Variants in ZNF362 observed in about 807,000 individuals in gnomAD.
ZNF362 encodes the protein zinc finger protein 362, also known as rotund homolog.
Under a neutral mutation model 42.9 loss-of-function variants are expected in ZNF362, and 11 were observed. The observed-to-expected ratio is 0.26, with a 90% CI of 0.16 to 0.42. The LOEUF is 0.42. Ranked by LOEUF, ZNF362 falls within the 20% of genes least tolerant of loss-of-function variation. The probability of loss-of-function intolerance (pLI) is 1.00; values close to 1 mark genes in which losing one functional copy is unlikely to be tolerated. For missense variants in ZNF362, 362 were observed against 576.2 expected (o/e 0.63, Z 3.81); for synonymous variants, 255 against 257.3 (o/e 0.99, Z 0.09).
upstream of ZNF362, among the ~76,000 whole-genome samples, chr1:33,253,411 G>A (rs1185120885): frequency 2.0e-5 from 3 of 151,390 alleles, no homozygotes; most frequent in Admixed American, 6.6e-5. Context: ...TAAATTGAAG[G>A]TGGTCAGAAA....
At chr1:33,292,419 C>T (rs2148133569) in intron 6 of ZNF362, among the ~76,000 whole-genome samples, 1 of 152,284 alleles carries the variant, frequency 6.6e-6, no homozygotes, top group East Asian at 1.9e-4. Context: ...GGATGAAGCC[C>T]ACTTGATCAT....
chr1:33,243,636 G>A, the ZNF362 span, among the ~76,000 whole-genome samples: 5 of 149,174 alleles, frequency 3.4e-5, no homozygotes, highest in Non-Finnish European at 7.4e-5. Context: ...TCGCTCTGTC[G>A]CCCAGGCTGG....
At chr1:33,246,768 C>T in the ZNF362 span, among the ~76,000 whole-genome samples, 1 of 152,362 alleles carries the variant, frequency 6.6e-6, no homozygotes, top group African/African-American at 2.4e-5. Flanking sequence ...CCTACTAACT[C>T]TGTGACTGGC....
chr1:33,178,720 A>G, the ZNF362 span, among the ~76,000 whole-genome samples: 2 of 152,256 alleles, frequency 1.3e-5, no homozygotes, highest in African/African-American at 4.8e-5. Context: ...TGCCCACAGC[A>G]GGTTTGGAAC....
chr1:33,193,998 T>G, the ZNF362 span, among the ~76,000 whole-genome samples: 1 of 152,104 alleles, frequency 6.6e-6, no homozygotes, highest in Admixed American at 6.5e-5. Flanking sequence ...GAAATTTTAA[T>G]GTAAGTATGT....
rs769253902 is a variant in ZNF362, at chr1:33,298,892, T to TG, written c.1147-36dup. ...CTGCAGCCTCTTCTCCCTCCCTTGC[T>TG]GGTGGTTCCCTGTTCTGAATCTCAT... On this transcript the variant is annotated intron_variant, in intron 8 of 8. Coordinates refer to ENST00000539719, the MANE Select transcript of ZNF362 (RefSeq NM_152493.3). The TG allele has an allele frequency of 5.7e-6, 9 of 1,571,074 alleles. No homozygotes were observed. The East Asian group carries it at 2.0e-4, about 35-fold the overall frequency.
chr1:33,278,928 A>G lies in ZNF362; in HGVS notation c.350-1196A>G, dbSNP rs572363050. On this transcript the variant is annotated intron_variant, in intron 4 of 8. Coordinates refer to ENST00000539719, the MANE Select transcript of ZNF362 (RefSeq NM_152493.3). ...TGATCACAATTTTGTATGGATATGT[A>G]CACACATCTTTGTGCTCATGTGGGA... Among the ~76,000 whole-genome samples, 3 of 152,340 alleles carry G rather than the reference A, an allele frequency of 2.0e-5. No individual in the cohort carries two copies. The South Asian group carries it at 6.2e-4, about 32-fold the overall frequency.
chr1:33,147,587 C>T, the ZNF362 span: 1 of 1,614,146 alleles, frequency 6.2e-7, no homozygotes, highest in Non-Finnish European at 8.5e-7. This position sits in a 1 kb window ranked among gnomAD's most constrained non-coding sequence, Gnocchi z 8.1. Flanking sequence ...GAACCCAGCA[C>T]CGACACCTCC....
chr1:33,211,524 G>A, the ZNF362 span, among the ~76,000 whole-genome samples: 4 of 152,082 alleles, frequency 2.6e-5, no homozygotes, highest in African/African-American at 9.7e-5. Context: ...ATGAAATTCT[G>A]GGTTGAAAAT....
the ZNF362 span, among the ~76,000 whole-genome samples, chr1:33,216,798 G>A: frequency 1.1e-4 from 16 of 151,986 alleles, no homozygotes; most frequent in South Asian, 3.3e-3. Context: ...AGACTTGGTA[G>A]AGTCAGCACA....
chr1:33,160,874 G>T, the ZNF362 span, among the ~76,000 whole-genome samples: 1 of 152,208 alleles, frequency 6.6e-6, no homozygotes, highest in Non-Finnish European at 1.5e-5. Context: ...AAGGAGCAAG[G>T]ACTGGTGTTT....
chr1:33,239,544 G>C, the ZNF362 span, among the ~76,000 whole-genome samples: 1 of 152,152 alleles, frequency 6.6e-6, no homozygotes, highest in Non-Finnish European at 1.5e-5. Context: ...GGCTGGGGAG[G>C]CTTCAGGAAA....
chr1:33,147,804 C>T, the ZNF362 span: 1 of 1,523,964 alleles, frequency 6.6e-7, no homozygotes, highest in South Asian at 1.3e-5. The surrounding 1 kb of genome is among the most constrained non-coding windows in gnomAD (Gnocchi z 8.1). Context: ...TTCCTGAGGG[C>T]AGAGTTCTGG....
At chr1:33,207,399 C>T in the ZNF362 span, among the ~76,000 whole-genome samples, 12 of 152,152 alleles carry the variant, frequency 7.9e-5, no homozygotes, top group East Asian at 3.9e-4. Flanking sequence ...TGAATAATGC[C>T]GCAATAAACA....
chr1:33,174,945 GTATA>G, the ZNF362 span, among the ~76,000 whole-genome samples: 2,043 of 141,670 alleles, frequency 0.014, 33 homozygotes, highest in South Asian at 0.075. Flanking sequence ...ATATATGTGT[GTATA>G]TATATATATA....
the ZNF362 span, among the ~76,000 whole-genome samples, chr1:33,230,453 G>A: frequency 6.6e-6 from 1 of 152,150 alleles, no homozygotes; most frequent in South Asian, 2.1e-4. Flanking sequence ...AGCAAAACCA[G>A]TCATGGCTCT....
At chr1:33,188,405 C>T in the ZNF362 span, among the ~76,000 whole-genome samples, 2 of 152,182 alleles carry the variant, frequency 1.3e-5, no homozygotes, top group African/African-American at 4.8e-5. Context: ...TCACTTTCTC[C>T]ATGGCCATGT....
At position 33,299,027 on chromosome 1, in the gene ZNF362, T is replaced by A. The variant is rs757768600; in HGVS notation, c.1244T>A (p.Val415Glu). The A allele has an allele frequency of 6.2e-7, 1 of 1,610,292 alleles. No individual in the cohort carries two copies. Among genetic ancestry groups the A allele is most frequent in the Non-Finnish European group, 8.5e-7 (1 of 1,179,942 alleles). ...PQRTESPGIP[V>E]RISLI Reference sequence around the variant, plus strand: ...AGGACGGAGTCCCCCGGCATCCCGGTGCGAATCTCTCTCATCTGAGCCCAC... The same window carrying A: ...AGGACGGAGTCCCCCGGCATCCCGGAGCGAATCTCTCTCATCTGAGCCCAC... Residue 415 changes from valine (V) to glutamate (E), a missense_variant, in exon 9 of 9, where the codon GTG becomes GAG. By Grantham distance (121) the Val-to-Glu change is moderately radical (BLOSUM62 -2). This residue lies in a region of ZNF362 where 68 missense variants were observed against 107.4 expected (regional missense o/e 0.63). Transcript: ENST00000539719.
chr1:33,134,620 A>G, the ZNF362 span, among the ~76,000 whole-genome samples: 10 of 152,268 alleles, frequency 6.6e-5, no homozygotes, highest in African/African-American at 2.4e-4. Context: ...TGCTGCACAG[A>G]TAGTGAGCTC....
Sources: allele counts gnomAD v4.1 joint callset (sites outside exome capture counted in the v4.1 genomes callset), GRCh38; gene constraint gnomAD v4.1.1; regional missense constraint gnomAD v4.1.1; non-coding constraint Gnocchi (gnomAD v3.1); transcripts MANE v1.5; gene names NCBI Gene and HGNC (gene_info 2026-07-23, HGNC 2026-07-21).